LRFN2: variants seen among roughly 807,000 people sequenced by gnomAD.
LRFN2 encodes the protein leucine-rich repeat and fibronectin type-III domain-containing protein 2.
LRFN2 carries 18 observed loss-of-function variants against 37.3 expected under a neutral mutation model. That is an observed-to-expected ratio of 0.48 (90% CI 0.33 to 0.72). LRFN2 has a LOEUF of 0.72. LRFN2 is among the 30% of genes least tolerant of loss of function. The probability of loss-of-function intolerance (pLI) is 0.02; values close to 1 mark genes in which losing one functional copy is unlikely to be tolerated. For synonymous variants in LRFN2, 556 were observed against 466.6 expected, an observed-to-expected ratio of 1.19 and a Z score of -2.47; for missense variants, 1,006 against 1,060.7, an observed-to-expected ratio of 0.95 and a Z score of 0.72.
chr6:40,475,945 T>A (rs1005768212), intron 1 of LRFN2, among the ~76,000 whole-genome samples: 1 of 152,032 alleles, frequency 6.6e-6, no homozygotes, highest in African/African-American at 2.4e-5. Context: ...TGCCCTAGAG[T>A]GGTGGTGTGA....
intron 1 of LRFN2, among the ~76,000 whole-genome samples, chr6:40,537,639 G>C (rs1425469418): frequency 6.6e-6 from 1 of 152,060 alleles, no homozygotes; most frequent in South Asian, 2.1e-4. Context: ...AACCTAATGA[G>C]ACTTGTTCCT....
At chr6:40,536,414 T>C (rs1225029331) in intron 1 of LRFN2, among the ~76,000 whole-genome samples, 2 of 152,114 alleles carry the variant, frequency 1.3e-5, no homozygotes, top group Non-Finnish European at 2.9e-5. Context: ...AGAACATGTA[T>C]TACACACATG....
intron 1 of LRFN2, among the ~76,000 whole-genome samples, chr6:40,512,874 G>A (rs1765752487): frequency 6.6e-6 from 1 of 152,216 alleles, no homozygotes; most frequent in South Asian, 2.1e-4. Flanking sequence ...CAGCCAGCCT[G>A]GGAGATGAGA....
At chr6:40,413,087 A>T (rs1763009003) in intron 2 of LRFN2, among the ~76,000 whole-genome samples, 1 of 152,110 alleles carries the variant, frequency 6.6e-6, no homozygotes, top group Non-Finnish European at 1.5e-5. Context: ...CTCTGTGCAC[A>T]CTGACCCCAT....
chr6:40,418,756 A>G (rs1313567717), intron 2 of LRFN2, among the ~76,000 whole-genome samples: 1 of 152,170 alleles, frequency 6.6e-6, no homozygotes, highest in East Asian at 1.9e-4. Context: ...AGTGGCAATC[A>G]TGGATCACAC....
At chr6:40,448,302 C>G (rs1187816547) in intron 1 of LRFN2, among the ~76,000 whole-genome samples, 5 of 152,078 alleles carry the variant, frequency 3.3e-5, no homozygotes, top group Non-Finnish European at 7.4e-5. Flanking sequence ...GTTTGGTGCA[C>G]CCATCAAGCA....
chr6:40,481,661 C>T (rs923385331), intron 1 of LRFN2, among the ~76,000 whole-genome samples: 1 of 152,082 alleles, frequency 6.6e-6, no homozygotes, highest in Non-Finnish European at 1.5e-5. Context: ...GAATAGTCCA[C>T]GAAGGCAGAC....
At chr6:40,542,213 G>A (rs1404172247) in intron 1 of LRFN2, among the ~76,000 whole-genome samples, 1 of 152,158 alleles carries the variant, frequency 6.6e-6, no homozygotes, top group Non-Finnish European at 1.5e-5. Context: ...GAGTGCCAGG[G>A]GAAGCCTCAC....
At chr6:40,419,077 C>T (rs1763160784) in intron 2 of LRFN2, among the ~76,000 whole-genome samples, 1 of 152,232 alleles carries the variant, frequency 6.6e-6, no homozygotes, top group South Asian at 2.1e-4. Context: ...GTTCACAAGC[C>T]TGCCAGGTGA....
intron 1 of LRFN2, among the ~76,000 whole-genome samples, chr6:40,498,312 T>G (rs1765283071): frequency 6.6e-6 from 1 of 152,084 alleles, no homozygotes; most frequent in Admixed American, 6.5e-5. Context: ...TCCTAATAAT[T>G]GAATCTAAGC....
chr6:40,391,981 A>C lies in LRFN2; in HGVS notation c.2332T>G (p.Phe778Val). Residue 778 changes from phenylalanine to valine, a missense_variant, in exon 3 of 3, where the codon TTT (phenylalanine) becomes GTT (valine). Physicochemically the swap from Phe to Val is conservative, Grantham distance 50. Around this residue, in one of 4 missense-constraint regions of LRFN2, gnomAD observed 398 missense variants for 327.6 expected, o/e 1.21. Transcript: ENST00000338305. ...TCCATCACCCATTCGGAGCTGCCAA[A>C]AGTCCCCCGGGCCCCCACCAGGTCA... The part of the protein sequence containing the change: ...ESDLVGARGT[F>V]GSSEWVMEST... 1 of 1,598,756 alleles carries C rather than the reference A, an allele frequency of 6.3e-7. No homozygotes were observed. The highest frequency in any genetic ancestry group is 8.5e-7 in the Non-Finnish European group (1 of 1,171,984).
At chr6:40,434,768 G>A (rs748296694) in intron 1 of LRFN2, among the ~76,000 whole-genome samples, 59 of 151,574 alleles carry the variant, frequency 3.9e-4, no homozygotes, top group Non-Finnish European at 6.8e-4. Flanking sequence ...GTGAGCCACC[G>A]TGCCCAGCCC....
intron 2 of LRFN2, among the ~76,000 whole-genome samples, chr6:40,402,869 G>T (rs565438261): frequency 6.6e-6 from 1 of 152,206 alleles, no homozygotes; most frequent in African/African-American, 2.4e-5. Context: ...ACTTCGGGAC[G>T]CATGCTCCTG....
At chr6:40,577,108 C>CTTCTCTTCTCTTCTCTTCTCCTCT (rs1554145947) in intron 1 of LRFN2, among the ~76,000 whole-genome samples, 4,138 of 104,626 alleles carry the variant, frequency 0.04, 560 homozygotes, top group Middle Eastern at 0.062. Context: ...CTTTTCCTTT[C>CTTCTCTTCTCTTCTCTTCTCCTCT]TTTTCTTTTT....
chr6:40,583,767 C>T (rs1407196629), intron 1 of LRFN2, among the ~76,000 whole-genome samples: 1 of 152,182 alleles, frequency 6.6e-6, no homozygotes, highest in Non-Finnish European at 1.5e-5. Context: ...ACAACCCCTG[C>T]CCAGGCCCCA....
At chr6:40,545,307 G>A (rs1004318679) in intron 1 of LRFN2, among the ~76,000 whole-genome samples, 33 of 152,318 alleles carry the variant, frequency 2.2e-4, no homozygotes, top group African/African-American at 7.2e-4. Flanking sequence ...TGGGTCCCTG[G>A]ACACAGAATG....
intron 1 of LRFN2, among the ~76,000 whole-genome samples, chr6:40,454,593 A>T (rs1050333963): frequency 5.9e-5 from 9 of 151,866 alleles, no homozygotes; most frequent in Admixed American, 3.9e-4. Context: ...ACAATTGCTC[A>T]TTTTTCTCCC....
intron 1 of LRFN2, among the ~76,000 whole-genome samples, chr6:40,442,978 C>T (rs778509727): frequency 6.6e-6 from 1 of 152,092 alleles, no homozygotes; most frequent in Non-Finnish European, 1.5e-5. Context: ...GTAACATCAC[C>T]CATAGCATAT....
chr6:40,521,167 T>C (rs1766059006), intron 1 of LRFN2, among the ~76,000 whole-genome samples: 2 of 151,580 alleles, frequency 1.3e-5, no homozygotes, highest in Admixed American at 6.6e-5. Context: ...GTATGTTGAA[T>C]AGAGGAGAGA....
Sources: allele counts gnomAD v4.1 joint callset (sites outside exome capture counted in the v4.1 genomes callset), GRCh38; gene constraint gnomAD v4.1.1; regional missense constraint gnomAD v4.1.1; transcripts MANE v1.5; gene names NCBI Gene and HGNC (gene_info 2026-07-23, HGNC 2026-07-21).